ABCG1: variants seen among roughly 807,000 people sequenced by gnomAD.
ABCG1 encodes the protein ATP-binding cassette sub-family G member 1.
A neutral mutation model predicts 69.2 loss-of-function variants in ABCG1; 29 were observed. That is an observed-to-expected ratio of 0.42 (90% CI 0.31 to 0.57). ABCG1 has a LOEUF of 0.57. Ranked by LOEUF, ABCG1 falls within the 20% of genes least tolerant of loss-of-function variation. The pLI is 0.15. For missense variants in ABCG1, 718 were observed against 898.1 expected, an observed-to-expected ratio of 0.80 and a Z score of 2.56; for synonymous variants, 370 against 374.8, an observed-to-expected ratio of 0.99 and a Z score of 0.15.
chr21:42,285,413 G>A (rs1381569598), intron 7 of ABCG1, among the ~76,000 whole-genome samples: 1 of 152,080 alleles, frequency 6.6e-6, no homozygotes, highest in East Asian at 1.9e-4. Context: ...GGCTGATGTG[G>A]GAGGATCACC....
chr21:42,202,805 G>A (rs771766045), intron 2 of ABCG1, among the ~76,000 whole-genome samples: 11 of 151,826 alleles, frequency 7.2e-5, no homozygotes, highest in Non-Finnish European at 8.8e-5. Context: ...TAGAGATGAG[G>A]TCGCACCCTG....
At chr21:42,241,618 A>G (rs199512310) in intron 2 of ABCG1, among the ~76,000 whole-genome samples, 3 of 101,580 alleles carry the variant, frequency 3.0e-5, no homozygotes, top group African/African-American at 5.9e-5. Context: ...AAAAAAAAAT[A>G]ACAAAAAAAA....
chr21:42,246,399 T>G (rs1177353344), intron 2 of ABCG1, among the ~76,000 whole-genome samples: 1 of 152,206 alleles, frequency 6.6e-6, no homozygotes. Context: ...AATATTTTCA[T>G]AAAATAATCT....
chr21:42,264,140 T>C (rs960199057), intron 2 of ABCG1, among the ~76,000 whole-genome samples: 1 of 152,102 alleles, frequency 6.6e-6, no homozygotes, highest in Non-Finnish European at 1.5e-5. Context: ...GGTGCCTGGT[T>C]TGGGGTTGGC....
At chr21:42,209,461 G>A (rs1333230203) in intron 2 of ABCG1, among the ~76,000 whole-genome samples, 2 of 152,230 alleles carry the variant, frequency 1.3e-5, no homozygotes, top group Non-Finnish European at 2.9e-5. Context: ...TTAGAGCAAA[G>A]CAATATTAGT....
At chr21:42,208,686 C>T (rs2067562687) in intron 2 of ABCG1, among the ~76,000 whole-genome samples, 1 of 152,180 alleles carries the variant, frequency 6.6e-6, no homozygotes, top group Admixed American at 6.5e-5. Context: ...CTCAGGGAGC[C>T]TCCATTTTCT....
chr21:42,262,027 G>A (rs961309612), intron 2 of ABCG1, among the ~76,000 whole-genome samples: 4 of 152,262 alleles, frequency 2.6e-5, no homozygotes, highest in South Asian at 2.1e-4. Flanking sequence ...ACTGCAACTC[G>A]TTCAATGAAA....
At chr21:42,239,500 A>G (rs1341572759) in intron 2 of ABCG1, among the ~76,000 whole-genome samples, 1 of 152,128 alleles carries the variant, frequency 6.6e-6, no homozygotes, top group Non-Finnish European at 1.5e-5. Context: ...GCCACTGTTG[A>G]TTTAGTGTTT....
chr21:42,253,363 G>A (rs1276756331), intron 2 of ABCG1, among the ~76,000 whole-genome samples: 1 of 152,192 alleles, frequency 6.6e-6, no homozygotes, highest in Non-Finnish European at 1.5e-5. Flanking sequence ...TGGTTTGGGG[G>A]AAAGCTGGGA....
chr21:42,273,420 G>A lies in ABCG1; in HGVS notation c.522G>A (p.Val174=), dbSNP rs1452936651. ...ACATGCTGCTGCCGCATCTCACTGT[G>A]CAGGAGGCCATGATGGTGAGCTCCG... The part of the protein sequence containing the change: ...QDDMLLPHLT[V]QEAMMVSAHL... The change falls in exon 4 of 15, where the codon GTG becomes GTA. Residue 174 remains valine, a synonymous_variant. Coordinates refer to ENST00000398449, the MANE Select transcript of ABCG1 (RefSeq NM_016818.3). The surrounding 1 kb of genome is among the most constrained non-coding windows in gnomAD (Gnocchi z 5.3). The A allele has an allele frequency of 4.3e-6, 7 of 1,613,624 alleles. No homozygotes were observed. Among genetic ancestry groups the A allele is most frequent in the African/African-American group, 1.3e-5 (1 of 74,920 alleles).
In ABCG1 at chr21:42,201,687, G is replaced by A. The variant is rs200084430; in HGVS notation, c.12G>A (p.Thr4=). Reference sequence around the variant, plus strand: ...AGGAGCTGTTCTTGATGCTGGGAACGCAGGGGTGGACAAAACAGAGAAAGC... The same window carrying A: ...AGGAGCTGTTCTTGATGCTGGGAACACAGGGGTGGACAAAACAGAGAAAGC... Residue 4 remains threonine (T), a synonymous_variant, in exon 2 of 16, where the codon ACG becomes ACA. Coordinates refer to the ABCG1 transcript ENST00000398457. The A allele has an allele frequency of 7.0e-4, 1,125 of 1,613,366 alleles. 2 individuals carry two copies. The African/African-American group carries it at 9.7e-3, about 14-fold the overall frequency.
chr21:42,254,747 G>C (rs1361817220), intron 2 of ABCG1, among the ~76,000 whole-genome samples: 1 of 152,258 alleles, frequency 6.6e-6, no homozygotes, highest in Non-Finnish European at 1.5e-5. Flanking sequence ...TTTCTGCCTT[G>C]AGCTTTCTCT....
chr21:42,226,748 C>T (rs923991392), intron 2 of ABCG1, among the ~76,000 whole-genome samples: 1 of 152,180 alleles, frequency 6.6e-6, no homozygotes, highest in African/African-American at 2.4e-5. Flanking sequence ...AGCTGATAGG[C>T]AGAGGACGTG....
chr21:42,292,955 TACACACTACACACC>T (rs1380937071), intron 13 of ABCG1, among the ~76,000 whole-genome samples: 2 of 94,516 alleles, frequency 2.1e-5, no homozygotes, highest in South Asian at 3.5e-4. Context: ...CATACGACAC[TACACACTACACACC>T]ACACACTACA....
At chr21:42,283,719 CACCACCCAGATGAGTGGGGA>C (rs2068863848) in intron 6 of ABCG1, among the ~76,000 whole-genome samples, 1 of 90,050 alleles carries the variant, frequency 1.1e-5, no homozygotes, top group African/African-American at 5.6e-5. Context: ...AAGTACCACC[CACCACCCAGATGAGTGGGGA>C]CCCCCCACCT....
intron 2 of ABCG1, among the ~76,000 whole-genome samples, chr21:42,252,757 T>C (rs1009371696): frequency 3.3e-5 from 5 of 152,120 alleles, no homozygotes; most frequent in African/African-American, 1.2e-4. Flanking sequence ...CCTCCTACTT[T>C]CCGAGCAACC....
intron 5 of ABCG1, among the ~76,000 whole-genome samples, chr21:42,280,476 G>A (rs2068788338): frequency 6.6e-6 from 1 of 152,252 alleles, no homozygotes; most frequent in Admixed American, 6.5e-5. Flanking sequence ...CCGCCGGGAA[G>A]CCCCAGGGGG....
intron 2 of ABCG1, among the ~76,000 whole-genome samples, chr21:42,245,344 A>C (rs1049464370): frequency 1.3e-5 from 2 of 149,578 alleles, no homozygotes; most frequent in African/African-American, 5.1e-5. Context: ...AGTTATAAAA[A>C]TTATTAAGGA....
At chr21:42,243,881 C>G (rs1407782985) in intron 2 of ABCG1, among the ~76,000 whole-genome samples, 1 of 128,130 alleles carries the variant, frequency 7.8e-6, no homozygotes, top group Non-Finnish European at 1.5e-5. Flanking sequence ...TGCAGTGGTG[C>G]GATCTCGGCT....
Sources: gnomAD v4.1 joint callset for allele counts (sites outside exome capture counted in the v4.1 genomes callset) on GRCh38, gnomAD v4.1.1 for gene constraint, Gnocchi (gnomAD v3.1) non-coding constraint, MANE v1.5 for transcripts, NCBI Gene and HGNC (gene_info 2026-07-23, HGNC 2026-07-21) for gene names.